The following FNDC3B variants were observed in gnomAD, a reference collection of about 807,000 sequenced individuals.
The protein encoded by FNDC3B is fibronectin type III domain-containing protein 3B.
Under a neutral mutation model 151.5 loss-of-function variants are expected in FNDC3B, and 12 were observed. The observed-to-expected ratio is 0.08, with a 90% CI of 0.05 to 0.13. The LOEUF is 0.13. Ranked by LOEUF, FNDC3B falls within the 10% of genes least tolerant of loss-of-function variation. The pLI is 1.00. For missense variants in FNDC3B, 1,214 were observed against 1,505.3 expected (o/e 0.81, Z 3.20); for synonymous variants, 528 against 549.0 (o/e 0.96, Z 0.54).
rs564825873 is a variant in FNDC3B at position 172,310,903 on chromosome 3, C to T, written c.1254+22C>T. 1.8e-5 allele frequency: 28 copies of T among 1,574,496 alleles called. No homozygotes were observed. The East Asian group carries it at 3.1e-4, about 18-fold the overall frequency. ...TGAGGTAAGCTTATTTTCATATTCA[C>T]CCATCTAAAACACCATTTCAAAAAC... is the stretch of plus-strand genomic sequence containing the variant. On this transcript the variant is annotated intron_variant, in intron 11 of 25. Transcript: ENST00000415807.
intron 1 of FNDC3B, chr3:172,046,912 C>G (rs1360256881): frequency 6.6e-6 from 1 of 152,148 alleles, no homozygotes; most frequent in African/African-American, 2.4e-5. Flanking sequence ...GTATAGAGAA[C>G]AGTGTCTACC....
intron 1 of FNDC3B, among the ~76,000 whole-genome samples, chr3:172,069,516 T>C (rs554076253): frequency 6.6e-6 from 1 of 152,316 alleles, no homozygotes; most frequent in African/African-American, 2.4e-5. Flanking sequence ...GTACAGAACG[T>C]GTGGGTTTGT....
intron 22 of FNDC3B, among the ~76,000 whole-genome samples, chr3:172,359,113 C>G (rs1002211624): frequency 1.2e-3 from 184 of 151,492 alleles, no homozygotes; most frequent in African/African-American, 4.2e-3. Context: ...ATATAAAGAA[C>G]CTAGTACTTA....
chr3:172,278,235 T>C (rs1303503545), intron 6 of FNDC3B, among the ~76,000 whole-genome samples: 2 of 152,226 alleles, frequency 1.3e-5, no homozygotes, highest in African/African-American at 4.8e-5. Flanking sequence ...AAAAGTATTG[T>C]ATAAGCTGCT....
chr3:172,337,626 T>C (rs1458157712), intron 16 of FNDC3B: 3 of 480,226 alleles, frequency 6.2e-6, no homozygotes, highest in African/African-American at 6.0e-5. Context: ...ACAATTTTTC[T>C]GTATCTTTTT....
At chr3:172,297,954 G>T (rs1039364823) in intron 8 of FNDC3B, among the ~76,000 whole-genome samples, 4 of 152,088 alleles carry the variant, frequency 2.6e-5, no homozygotes, top group Admixed American at 6.5e-5. Flanking sequence ...AATAATGCCT[G>T]TTATATTTTG....
At chr3:172,185,573 C>G (rs1485351970) in intron 3 of FNDC3B, among the ~76,000 whole-genome samples, 1 of 152,106 alleles carries the variant, frequency 6.6e-6, no homozygotes, top group Admixed American at 6.5e-5. Flanking sequence ...AGGTCTATTT[C>G]CTATTGAGAT....
At chr3:172,159,283 A>G (rs960055472) in intron 3 of FNDC3B, among the ~76,000 whole-genome samples, 2 of 152,150 alleles carry the variant, frequency 1.3e-5, no homozygotes, top group African/African-American at 4.8e-5. Flanking sequence ...CTGTCTCAAA[A>G]AAGAAAATTA....
intron 3 of FNDC3B, chr3:172,225,905 A>C (rs941206102): frequency 6.6e-6 from 1 of 152,264 alleles, no homozygotes; most frequent in Non-Finnish European, 1.5e-5. Flanking sequence ...ATGGTGGATC[A>C]GAAAACTGAA....
intron 5 of FNDC3B, among the ~76,000 whole-genome samples, chr3:172,250,653 A>G (rs560005553): frequency 7.7e-4 from 117 of 152,332 alleles, no homozygotes; most frequent in African/African-American, 2.7e-3. Context: ...TATAAATGCA[A>G]CTAGAATATG....
In FNDC3B at chr3:172,140,682, C is replaced by T. The variant is rs139968814; in HGVS notation, c.187+7136C>T. Among the ~76,000 whole-genome samples the T allele has an allele frequency of 5.3e-3, 811 of 152,300 alleles. 2 individuals carry two copies. Among genetic ancestry groups the T allele is most frequent in the African/African-American group, 0.018 (753 of 41,558 alleles). The stretch of plus-strand genomic sequence containing the variant: ...AATGAGAGCAAAGGCTGTGATTGTA[C>T]GTGCAACTGTCATCTTGCTGGGATT... On this transcript the variant is annotated intron_variant, in intron 3 of 25. Transcript: ENST00000415807.
intron 3 of FNDC3B, among the ~76,000 whole-genome samples, chr3:172,154,442 G>A (rs900163409): frequency 2.0e-5 from 3 of 152,144 alleles, no homozygotes; most frequent in Non-Finnish European, 2.9e-5. Context: ...TCCTGACCTC[G>A]TGATCCGCCG....
At chr3:172,256,614 A>G (rs1728359329) in intron 6 of FNDC3B, among the ~76,000 whole-genome samples, 2 of 152,320 alleles carry the variant, frequency 1.3e-5, no homozygotes, top group Middle Eastern at 3.4e-3. Context: ...TTTATTCTTG[A>G]TAAAAAAACC....
chr3:172,304,905 A>G (rs1182632467), intron 9 of FNDC3B, among the ~76,000 whole-genome samples: 12 of 152,266 alleles, frequency 7.9e-5, no homozygotes, highest in Non-Finnish European at 1.5e-4. Flanking sequence ...TGAAAAAAAA[A>G]AAAAAAAAGC....
intron 25 of FNDC3B, among the ~76,000 whole-genome samples, chr3:172,381,835 G>A (rs1243704187): frequency 2.6e-5 from 4 of 152,268 alleles, no homozygotes; most frequent in Admixed American, 2.0e-4. Flanking sequence ...ATTCCATGGT[G>A]TATATGTGCC....
chr3:172,296,125 T>C (rs1016135654), intron 8 of FNDC3B, among the ~76,000 whole-genome samples: 1 of 152,190 alleles, frequency 6.6e-6, no homozygotes, highest in African/African-American at 2.4e-5. Flanking sequence ...GGCCACGTCT[T>C]TCTTCTTTGT....
chr3:172,060,617 A>G (rs1472653513), intron 1 of FNDC3B, among the ~76,000 whole-genome samples: 1 of 152,230 alleles, frequency 6.6e-6, no homozygotes, highest in Non-Finnish European at 1.5e-5. Context: ...GAGAAGAAGC[A>G]GGGAGATGTC....
chr3:172,351,083 G>A (rs924062194), intron 21 of FNDC3B, among the ~76,000 whole-genome samples: 1 of 152,184 alleles, frequency 6.6e-6, no homozygotes, highest in Admixed American at 6.5e-5. Context: ...AGGCAACTTT[G>A]CCCTTATGTA....
chr3:172,288,506 G>A (rs1484845978), intron 7 of FNDC3B, among the ~76,000 whole-genome samples: 1 of 152,242 alleles, frequency 6.6e-6, no homozygotes, highest in Non-Finnish European at 1.5e-5. Flanking sequence ...CACAGACGTA[G>A]TCAGTATAGC....
Sources: allele counts gnomAD v4.1 joint callset (sites outside exome capture counted in the v4.1 genomes callset), GRCh38; gene constraint gnomAD v4.1.1; transcripts MANE v1.5; gene names NCBI Gene and HGNC (gene_info 2026-07-23, HGNC 2026-07-21).